The following CLCA2 variants were observed in gnomAD, a reference collection of about 807,000 sequenced individuals.
The protein encoded by CLCA2 is chloride channel accessory 2.
In CLCA2, 85 loss-of-function variants were observed where a neutral mutation model predicts 82.9. The observed-to-expected ratio is 1.03, with a 90% CI of 0.86 to 1.23. The LOEUF is 1.23. Among genes scored for constraint, CLCA2 ranks in the 50% most tolerant of loss-of-function variants. The pLI is 0.00. For synonymous variants in CLCA2, 421 were observed against 391.7 expected (o/e 1.07, Z -0.88); for missense variants, 1,089 against 1,124.8 (o/e 0.97, Z 0.45).
In CLCA2 at chr1:86,435,689, T is replaced by A. The variant is rs192734376; in HGVS notation, c.972+944T>A. 1.1e-4 allele frequency among the ~76,000 whole-genome samples: 16 copies of A among 152,262 alleles called. No individual in the cohort carries two copies. In the East Asian group the frequency reaches 3.1e-3, roughly 29 times the overall value. ...ATAATAGTGCCTACTTTTATGAGAG[T>A]CAACTTTTAAAGTTTTAGGAAATCT... On this transcript the variant is annotated intron_variant, in intron 6 of 13. Coordinates refer to ENST00000370565, the MANE Select transcript of CLCA2 (RefSeq NM_006536.7).
intron 6 of CLCA2, among the ~76,000 whole-genome samples, chr1:86,437,084 G>T (rs1558108152): frequency 6.6e-6 from 1 of 152,142 alleles, no homozygotes; most frequent in Non-Finnish European, 1.5e-5. Context: ...CAAGAATGAT[G>T]GAATGAAGAG....
intron 6 of CLCA2, among the ~76,000 whole-genome samples, chr1:86,437,581 AAAG>A (rs1393096523): frequency 6.6e-6 from 1 of 152,224 alleles, no homozygotes; most frequent in Non-Finnish European, 1.5e-5. Flanking sequence ...AGAGGCAAAA[AAAG>A]AAGGATTTGT....
chr1:86,445,446 AT>A (rs1662831916), intron 10 of CLCA2: 1 of 141,392 alleles, frequency 7.1e-6, no homozygotes, highest in East Asian at 2.1e-4. Context: ...ATTTTGACAC[AT>A]TGGCACTATT....
In CLCA2 at chr1:86,438,930, G is replaced by A; in HGVS notation, c.1027G>A (p.Val343Ile). ...QAAEFYLMQI[V>I]EIHTFVGIAS... ...CGCAGAATTTTATTTGATGCAGATT[G>A]TTGAAATTCATACCTTCGTGGGCAT... is the stretch of plus-strand genomic sequence containing the variant. Residue 343 changes from valine (V) to isoleucine (I), a missense_variant, in exon 7 of 14, where the codon GTT becomes ATT. Coordinates refer to ENST00000370565, the MANE Select transcript of CLCA2 (RefSeq NM_006536.7). 1 of 1,614,114 alleles carries A rather than the reference G, an allele frequency of 6.2e-7. No individual in the cohort carries two copies. Among genetic ancestry groups the A allele is most frequent in the Non-Finnish European group, 8.5e-7 (1 of 1,180,008 alleles).
chr1:86,440,648 C>A (rs1030407814), intron 8 of CLCA2, among the ~76,000 whole-genome samples: 3 of 152,134 alleles, frequency 2.0e-5, no homozygotes, highest in African/African-American at 4.8e-5. Context: ...CACCTGTAAT[C>A]CCAGCACATT....
At chr1:86,451,529 G>A (rs998379771) in intron 12 of CLCA2, among the ~76,000 whole-genome samples, 9 of 136,610 alleles carry the variant, frequency 6.6e-5, no homozygotes, top group African/African-American at 2.4e-4. Flanking sequence ...ACACAGCCAA[G>A]ATCCCTCCTT....
At chr1:86,430,139 C>T (rs1003848472) in intron 3 of CLCA2, among the ~76,000 whole-genome samples, 7 of 152,026 alleles carry the variant, frequency 4.6e-5, no homozygotes, top group Non-Finnish European at 1.0e-4. Context: ...GAGGGGAGTT[C>T]ATCTGGAAAG....
intron 1 of CLCA2, 123 bp from the exon 2 acceptor site, chr1:86,425,216 C>T: frequency 1.7e-6 from 1 of 603,318 alleles, no homozygotes; most frequent in Admixed American, 4.0e-5. Context: ...AGGGCTTTCT[C>T]TAAAAGAAAT....
chr1:86,429,167 A>C (rs1662445493), intron 3 of CLCA2, among the ~76,000 whole-genome samples: 1 of 152,174 alleles, frequency 6.6e-6, no homozygotes, highest in Non-Finnish European at 1.5e-5. Flanking sequence ...CAGGAGAATA[A>C]CTGGGAGAAG....
chr1:86,429,528 G>A (rs1483798233), intron 3 of CLCA2, among the ~76,000 whole-genome samples: 4 of 152,142 alleles, frequency 2.6e-5, no homozygotes, highest in Non-Finnish European at 5.9e-5. Flanking sequence ...CTATGCCAGG[G>A]AAAGTGGTTC....
At chr1:86,426,215 G>T (rs1220151127) in intron 2 of CLCA2, among the ~76,000 whole-genome samples, 1 of 152,132 alleles carries the variant, frequency 6.6e-6, no homozygotes. Flanking sequence ...GTCCATTGCA[G>T]CTACCAGAAG....
intron 10 of CLCA2, among the ~76,000 whole-genome samples, chr1:86,447,167 C>A (rs979817688): frequency 2.0e-5 from 3 of 152,106 alleles, no homozygotes; most frequent in Non-Finnish European, 2.9e-5. Flanking sequence ...GGAAGGGGCT[C>A]AGATTAATAT....
At chr1:86,439,136 A>G in intron 7 of CLCA2, 30 bp downstream of exon 7, 1 of 1,595,616 alleles carries the variant, frequency 6.3e-7, no homozygotes, top group African/African-American at 1.3e-5. Flanking sequence ...GCCTTGGATC[A>G]CCATCATTTT....
chr1:86,434,535 T>C lies in CLCA2; in HGVS notation c.762T>C (p.Asn254=), dbSNP rs1188423337. 3.7e-6 allele frequency: 6 copies of C among 1,613,932 alleles called. No homozygotes were observed. In the African/African-American group the frequency reaches 5.3e-5, roughly 14 times the overall value. The part of the protein sequence containing the change: ...QSLSSVVEFC[N]ASTHNQEAPN... ...ATTTCCAGGTGGTTGAATTTTGTAA[T>C]GCAAGTACCCACAACCAAGAAGCAC... Residue 254 remains asparagine (N), a synonymous_variant, in exon 6 of 14, where the codon AAT becomes AAC. Coordinates refer to ENST00000370565, the MANE Select transcript of CLCA2 (RefSeq NM_006536.7).
rs1236633214 is a variant in CLCA2, at chr1:86,424,391, T to TCCTCAGGTA, written c.148_156dup (p.Gln50_Pro52dup). On this transcript the variant is annotated inframe_insertion, in exon 1 of 14. Transcript: ENST00000370565. ...ATAATGGATTGCTCATTGCAATTAA[T>TCCTCAGGTA]CCTCAGGTACCTGAGAATCAGAACC... 1.9e-5 allele frequency: 30 copies of TCCTCAGGTA among 1,612,200 alleles called. No individual in the cohort carries two copies. The highest frequency in any genetic ancestry group is 2.4e-5 in the Non-Finnish European group (28 of 1,179,470).
In CLCA2 at chr1:86,441,320, C is replaced by T. The variant is rs905789449; in HGVS notation, c.1382-117C>T. ...AGGCAAAGCAAGTCAAGCACAGCTCCCATTTCCCCAAAACAAACACTCTAA... is the reference window on the plus strand; with the variant it reads ...AGGCAAAGCAAGTCAAGCACAGCTCTCATTTCCCCAAAACAAACACTCTAA... On this transcript the variant is annotated intron_variant, in intron 8 of 13. Transcript: ENST00000370565. 6 of 614,758 alleles carry T rather than the reference C, an allele frequency of 9.8e-6. No individual in the cohort carries two copies. In the African/African-American group the frequency reaches 1.1e-4, roughly 11 times the overall value. The allele number at this position is 614,758 out of a possible 1,614,324, so 38.1% of individuals were successfully genotyped here.
At chr1:86,449,575 G>C (rs1446855939) in intron 11 of CLCA2, among the ~76,000 whole-genome samples, 1 of 152,112 alleles carries the variant, frequency 6.6e-6, no homozygotes, top group Non-Finnish European at 1.5e-5. Context: ...AAAATGTTTA[G>C]CACTTTTTAT....
chr1:86,455,603 A>C lies in CLCA2; in HGVS notation c.*76A>C, dbSNP rs984207930. On this transcript the variant is annotated 3_prime_UTR_variant, in exon 14 of 14. Coordinates refer to ENST00000370565, the MANE Select transcript of CLCA2 (RefSeq NM_006536.7). ...ACTACAAAAACATACTAACAAAGTC[A>C]AATTAACATCAAAACTGTATTAAAA... 4.3e-6 allele frequency: 4 copies of C among 932,700 alleles called. No homozygotes were observed. The East Asian group carries it at 8.7e-5, about 20-fold the overall frequency. 57.8% of individuals were successfully genotyped at this position (932,700 alleles called of 1,614,324 possible). A position where few individuals can be genotyped will look rare whatever the true frequency, so the allele number is the denominator to read the frequency against.
chr1:86,435,875 C>A (rs557164730), intron 6 of CLCA2, among the ~76,000 whole-genome samples: 33 of 151,664 alleles, frequency 2.2e-4, no homozygotes, highest in African/African-American at 7.7e-4. Context: ...CAAACTATGT[C>A]TCACTACCTG....
Sources: allele counts gnomAD v4.1 joint callset (sites outside exome capture counted in the v4.1 genomes callset), GRCh38; gene constraint gnomAD v4.1.1; transcripts MANE v1.5; gene names NCBI Gene and HGNC (gene_info 2026-07-23, HGNC 2026-07-21).